Variants in UTRN observed in about 807,000 individuals in gnomAD.
UTRN encodes the protein utrophin, also known as dystrophin-related protein 1.
A neutral mutation model predicts 463.9 loss-of-function variants in UTRN; 283 were observed. That is an observed-to-expected ratio of 0.61 (90% confidence interval 0.55 to 0.67). The LOEUF (loss-of-function observed/expected upper bound fraction) is 0.67. Among genes scored for constraint, UTRN ranks in the 30% least tolerant of loss-of-function variants. The pLI is 0.00. For synonymous variants in UTRN, 1,442 were observed against 1,431.5 expected (o/e 1.01, Z -0.17); for missense variants, 3,922 against 4,084.3 (o/e 0.96, Z 1.08).
At chr6:144,679,890 C>G (rs1420331827) in intron 52 of UTRN, among the ~76,000 whole-genome samples, 1 of 152,048 alleles carries the variant, frequency 6.6e-6, no homozygotes, top group Non-Finnish European at 1.5e-5. Context: ...GACATGGATG[C>G]TCTGTGTAAA....
intron 2 of UTRN, among the ~76,000 whole-genome samples, chr6:144,300,898 G>A (rs1805184903): frequency 6.6e-6 from 1 of 152,150 alleles, no homozygotes; most frequent in South Asian, 2.1e-4. Context: ...GTCCTAAGTT[G>A]TATATGACCA....
chr6:144,426,742 A>G (rs1389835916), intron 7 of UTRN, among the ~76,000 whole-genome samples: 1 of 152,222 alleles, frequency 6.6e-6, no homozygotes, highest in African/African-American at 2.4e-5. Flanking sequence ...AACCCCACTC[A>G]TTCAGCACTA....
intron 54 of UTRN, among the ~76,000 whole-genome samples, chr6:144,732,259 C>CATATATATATAT (rs1472448349): frequency 2.7e-4 from 26 of 94,702 alleles, no homozygotes; most frequent in South Asian, 1.2e-3. Flanking sequence ...TATATATATA[C>CATATATATATAT]ACACATATAT....
chr6:144,548,145 A>G (rs1562556672), intron 46 of UTRN, among the ~76,000 whole-genome samples: 2 of 152,204 alleles, frequency 1.3e-5, no homozygotes, highest in Admixed American at 1.3e-4. Flanking sequence ...TATTCTTTGC[A>G]AGTTTTTTAA....
Position 144,678,558 on chromosome 6 carries a change from A to G in UTRN, c.7632A>G (p.Lys2544=). ...DDMNQRWNDL[K]AKSASIRAHL... ...TGAACCAAAGATGGAATGACTTAAA[A>G]GCAAAATCTGCTAGCATCAGGTCAG... Residue 2544 remains lysine, a synonymous_variant, in exon 52 of 75, where the codon AAA becomes AAG. Coordinates refer to ENST00000367545, the MANE Select transcript of UTRN (RefSeq NM_007124.3). The G allele has an allele frequency of 6.2e-7, 1 of 1,611,494 alleles. No individual in the cohort carries two copies. Among genetic ancestry groups the G allele is most frequent in the East Asian group, 2.2e-5 (1 of 44,756 alleles).
chr6:144,351,223 G>A (rs1162656680), intron 2 of UTRN, among the ~76,000 whole-genome samples: 1 of 152,142 alleles, frequency 6.6e-6, no homozygotes, highest in Non-Finnish European at 1.5e-5. Flanking sequence ...TTGCAAGAAG[G>A]ATTATAATAA....
chr6:144,322,322 T>G (rs897032730), intron 2 of UTRN, among the ~76,000 whole-genome samples: 1 of 148,154 alleles, frequency 6.7e-6, no homozygotes, highest in East Asian at 1.9e-4. Flanking sequence ...GGTGGCTCCC[T>G]GCAGTGTGTC....
chr6:144,499,368 C>G lies in UTRN; in HGVS notation c.4705C>G (p.Gln1569Glu). Reference protein sequence around the residue: ...WLSATETELVQKSTSEGLLGD... With the variant: ...WLSATETELVEKSTSEGLLGD... The stretch of plus-strand genomic sequence containing the variant: ...TTCTGCTACTGAAACTGAATTGGTA[C>G]AGAAGTCCACTTCAGAAGGTCTGCT... Residue 1569 changes from glutamine (Q) to glutamate (E), a missense_variant, in exon 34 of 75, where the codon CAG becomes GAG. Gln to Glu is a conservative substitution (Grantham distance 29). Coordinates refer to ENST00000367545, the MANE Select transcript of UTRN (RefSeq NM_007124.3). The G allele has an allele frequency of 6.2e-7, 1 of 1,613,366 alleles. No individual in the cohort carries two copies. Among genetic ancestry groups the G allele is most frequent in the South Asian group, 1.1e-5 (1 of 90,958 alleles).
chr6:144,521,450 C>G (rs564822422), intron 39 of UTRN, among the ~76,000 whole-genome samples: 2 of 152,244 alleles, frequency 1.3e-5, no homozygotes, highest in East Asian at 3.9e-4. Context: ...TAATATTATT[C>G]TCAGAGATTA....
At chr6:144,344,687 T>C (rs925771970) in intron 2 of UTRN, among the ~76,000 whole-genome samples, 5 of 152,252 alleles carry the variant, frequency 3.3e-5, no homozygotes, top group African/African-American at 7.2e-5. Flanking sequence ...TGAGTATTGG[T>C]AGACCTCATC....
At chr6:144,406,630 G>T (rs1410581648) in intron 3 of UTRN, among the ~76,000 whole-genome samples, 5 of 152,148 alleles carry the variant, frequency 3.3e-5, no homozygotes, top group Non-Finnish European at 2.9e-5. Flanking sequence ...ACCTCCCAAA[G>T]TGCTGGGATT....
At chr6:144,587,463 GAAC>G (rs1802575652) in intron 51 of UTRN, among the ~76,000 whole-genome samples, 1 of 152,056 alleles carries the variant, frequency 6.6e-6, no homozygotes, top group East Asian at 1.9e-4. Flanking sequence ...AATAGATAAT[GAAC>G]ATGAAGGCAC....
At chr6:144,433,357 C>CG (rs556740188) in intron 9 of UTRN, among the ~76,000 whole-genome samples, 3 of 136,770 alleles carry the variant, frequency 2.2e-5, no homozygotes, top group Non-Finnish European at 4.8e-5. Context: ...GCTGGCCTGG[C>CG]GGGGGCTGAC....
chr6:144,706,935 C>G (rs1245513122), intron 53 of UTRN: 1 of 152,098 alleles, frequency 6.6e-6, no homozygotes, highest in Non-Finnish European at 1.5e-5. Context: ...AGCCAGGAAC[C>G]TATACTGTAA....
chr6:144,347,802 C>T (rs1360333509), intron 2 of UTRN, among the ~76,000 whole-genome samples: 1 of 148,698 alleles, frequency 6.7e-6, no homozygotes, highest in Non-Finnish European at 1.5e-5. Context: ...TGGGGACACT[C>T]CTGGGAGAAT....
intron 51 of UTRN, among the ~76,000 whole-genome samples, chr6:144,623,333 A>C (rs17073972): frequency 0.059 from 9,031 of 152,338 alleles, 880 homozygotes; most frequent in East Asian, 0.52. Context: ...AGGAACTTAG[A>C]TATAAAATAC....
chr6:144,539,538 C>T, intron 45 of UTRN, 95 bp downstream of exon 45: 1 of 1,282,794 alleles, frequency 7.8e-7, no homozygotes, highest in East Asian at 2.6e-5. Context: ...CAAGTATGTC[C>T]AAATGGGGCA....
In UTRN at chr6:144,459,294, C is replaced by G. The variant is rs370281144; in HGVS notation, c.2647C>G (p.Leu883Val). 1 of 1,614,130 alleles carries G rather than the reference C, an allele frequency of 6.2e-7. No individual in the cohort carries two copies. Among genetic ancestry groups the G allele is most frequent in the Non-Finnish European group, 8.5e-7 (1 of 1,180,012 alleles). ...TGTCCAGCGGGGCTTCGATAGCTTT[C>G]TGGGCCGCTACCAAGCTGTACAAGA... ...DFVQRGFDSFLGRYQAVQEAV... is the reference protein window; with the variant it reads ...DFVQRGFDSFVGRYQAVQEAV... The change falls in exon 21 of 75, where the codon CTG becomes GTG. Residue 883 changes from leucine (L) to valine (V), a missense_variant. Leu to Val is a conservative substitution (Grantham distance 32). Transcript: ENST00000367545.
chr6:144,550,900 G>C, intron 47 of UTRN, 65 bp from the exon 48 acceptor site: 1 of 1,385,404 alleles, frequency 7.2e-7, no homozygotes, highest in Non-Finnish European at 9.7e-7. Flanking sequence ...CAGCACAACT[G>C]TTTTGCTTAT....
Sources: allele counts gnomAD v4.1 joint callset (sites outside exome capture counted in the v4.1 genomes callset), GRCh38; gene constraint gnomAD v4.1.1; transcripts MANE v1.5; gene names NCBI Gene and HGNC (gene_info 2026-07-23, HGNC 2026-07-21).